The following LINGO2 variants were observed in gnomAD, a reference collection of about 807,000 sequenced individuals.
The protein encoded by LINGO2 is leucine rich repeat and Ig domain containing 2.
In LINGO2, 14 loss-of-function variants were observed where a neutral mutation model predicts 30.6. That is an observed-to-expected ratio of 0.46 (90% CI 0.30 to 0.72). The LOEUF is 0.72. Ranked by LOEUF, LINGO2 falls within the 30% of genes least tolerant of loss-of-function variation. The probability of loss-of-function intolerance (pLI) is 0.07; values close to 1 mark genes in which losing one functional copy is unlikely to be tolerated. For missense variants in LINGO2, 729 were observed against 751.7 expected (o/e 0.97, Z 0.35); for synonymous variants, 317 against 288.5 (o/e 1.10, Z -1.00).
the LINGO2 span, among the ~76,000 whole-genome samples, chr9:28,877,437 C>A: frequency 3.0e-4 from 45 of 151,768 alleles, no homozygotes; most frequent in African/African-American, 6.1e-4. Context: ...TATAAGGTGT[C>A]AGGAAGGGAT....
chr9:28,502,640 A>G (rs1819936718), intron 1 of LINGO2, among the ~76,000 whole-genome samples: 1 of 152,100 alleles, frequency 6.6e-6, no homozygotes, highest in South Asian at 2.1e-4. Flanking sequence ...CTCTTTGAAT[A>G]TTATAGTGAC....
At chr9:28,638,572 A>G (rs138593552) in intron 1 of LINGO2, among the ~76,000 whole-genome samples, 1 of 152,224 alleles carries the variant, frequency 6.6e-6, no homozygotes, top group East Asian at 1.9e-4. Context: ...CGAGGAATTT[A>G]CCCATTTCTT....
chr9:28,790,325 C>CTTTCTTTTTTTTTTTTTTTTTTT, the LINGO2 span, among the ~76,000 whole-genome samples: 20 of 106,266 alleles, frequency 1.9e-4, no homozygotes, highest in African/African-American at 7.0e-4. Context: ...TCTTTTCTTT[C>CTTTCTTTTTTTTTTTTTTTTTTT]TTTTTTTTTT....
At chr9:28,142,844 G>A (rs921461594) in intron 4 of LINGO2, among the ~76,000 whole-genome samples, 3 of 151,990 alleles carry the variant, frequency 2.0e-5, no homozygotes, top group African/African-American at 7.2e-5. Context: ...TGTTTGTTTT[G>A]CCTGTTTATG....
At chr9:28,716,457 A>G in the LINGO2 span, among the ~76,000 whole-genome samples, 2 of 152,082 alleles carry the variant, frequency 1.3e-5, no homozygotes, top group Non-Finnish European at 2.9e-5. Flanking sequence ...CCCTGACACA[A>G]TGACATAATT....
intron 4 of LINGO2, among the ~76,000 whole-genome samples, chr9:28,049,507 G>A (rs1308758103): frequency 6.6e-6 from 1 of 150,658 alleles, no homozygotes; most frequent in Admixed American, 6.7e-5. Flanking sequence ...AGGCATGAAG[G>A]TAGGAAATAG....
intron 2 of LINGO2, among the ~76,000 whole-genome samples, chr9:28,474,627 C>A (rs1027636642): frequency 1.3e-5 from 2 of 152,064 alleles, no homozygotes; most frequent in Non-Finnish European, 2.9e-5. Flanking sequence ...GGAAGTTGAT[C>A]TTCTTGTCCC....
intron 4 of LINGO2, among the ~76,000 whole-genome samples, chr9:28,289,024 T>C (rs990255165): frequency 1.3e-5 from 2 of 152,194 alleles, no homozygotes; most frequent in African/African-American, 2.4e-5. Context: ...GGCAAATCTT[T>C]ACTTTAAAAA....
chr9:28,613,677 C>A (rs1342562173), intron 1 of LINGO2, among the ~76,000 whole-genome samples: 3 of 152,086 alleles, frequency 2.0e-5, no homozygotes, highest in African/African-American at 7.2e-5. Context: ...AATATACTCA[C>A]ACAAGGGGGT....
the LINGO2 span, among the ~76,000 whole-genome samples, chr9:29,056,378 G>T: frequency 2.0e-5 from 3 of 151,930 alleles, no homozygotes; most frequent in Admixed American, 1.3e-4. Flanking sequence ...ATATTTGTTG[G>T]CCATTTGCAT....
At chr9:28,011,930 G>A (rs950543732) in intron 5 of LINGO2, among the ~76,000 whole-genome samples, 2 of 150,760 alleles carry the variant, frequency 1.3e-5, no homozygotes, top group Admixed American at 1.3e-4. Flanking sequence ...GGTCTCAGCT[G>A]TTAACCCCAA....
intron 1 of LINGO2, among the ~76,000 whole-genome samples, chr9:28,544,094 T>G (rs1353463362): frequency 6.6e-6 from 1 of 151,780 alleles, no homozygotes. Flanking sequence ...TCCCAGCTGC[T>G]CTGGAAGCTG....
chr9:28,261,893 AATTT>A (rs1822576998), intron 4 of LINGO2, among the ~76,000 whole-genome samples: 1 of 151,962 alleles, frequency 6.6e-6, no homozygotes, highest in African/African-American at 2.4e-5. Context: ...GTCATAAATT[AATTT>A]TCTAATTTGG....
chr9:29,188,706 A>AC, the LINGO2 span, among the ~76,000 whole-genome samples: 474 of 135,306 alleles, frequency 3.5e-3, 7 homozygotes, highest in African/African-American at 0.012. Context: ...CGGGGGGCTG[A>AC]CCCCCCCACC....
Position 28,476,035 on chromosome 9 carries a change from A to G in LINGO2, c.-364-10T>C, listed in dbSNP as rs953038304. 1 of 152,592 alleles carries G rather than the reference A, an allele frequency of 6.6e-6. No homozygotes were observed. The highest frequency in any genetic ancestry group is 2.4e-5 in the African/African-American group (1 of 41,450). 9.5% of individuals were successfully genotyped at this position (152,592 alleles called of 1,614,324 possible). A position where few individuals can be genotyped will look rare whatever the true frequency, so the allele number is the denominator to read the frequency against. On this transcript the variant is annotated splice_polypyrimidine_tract_variant and intron_variant, in intron 1 of 5. Coordinates refer to ENST00000379992, the Ensembl canonical transcript of LINGO2. ...TAACCCTATTTCCAGGCTGCCAAAA[A>G]ATAGGAAATGAAAAGAAAAATGACA...
At chr9:28,680,751 C>T in the LINGO2 span, among the ~76,000 whole-genome samples, 1 of 151,936 alleles carries the variant, frequency 6.6e-6, no homozygotes, top group Non-Finnish European at 1.5e-5. Flanking sequence ...TATAACTGTT[C>T]ACTATTTATA....
intron 1 of LINGO2, among the ~76,000 whole-genome samples, chr9:28,525,851 G>C (rs202227012): frequency 3.3e-4 from 50 of 151,980 alleles, no homozygotes; most frequent in East Asian, 3.1e-3. Flanking sequence ...GTCAGGAGAT[G>C]GAGACCATCC....
At chr9:28,700,366 G>A in the LINGO2 span, among the ~76,000 whole-genome samples, 12 of 151,988 alleles carry the variant, frequency 7.9e-5, no homozygotes, top group South Asian at 4.2e-4. Context: ...ACTTTCTCTA[G>A]AATCTCCTAT....
the LINGO2 span, among the ~76,000 whole-genome samples, chr9:28,939,452 G>A: frequency 6.6e-6 from 1 of 152,000 alleles, no homozygotes; most frequent in South Asian, 2.1e-4. Context: ...ACTTGACCAT[G>A]GGTTTCATAT....
Sources: allele counts gnomAD v4.1 joint callset (sites outside exome capture counted in the v4.1 genomes callset), GRCh38; gene constraint gnomAD v4.1.1; transcripts MANE v1.5; gene names NCBI Gene and HGNC (gene_info 2026-07-23, HGNC 2026-07-21).